Variants in FBXL20 observed in about 807,000 individuals in gnomAD.
The protein encoded by FBXL20 is F-box and leucine rich repeat protein 20, also known as F-box/LRR-repeat protein 20.
Under a neutral mutation model 64.0 loss-of-function variants are expected in FBXL20, and 11 were observed. The ratio of observed to expected loss-of-function variants is 0.17; its 90% CI spans 0.11 to 0.28. The LOEUF (loss-of-function observed/expected upper bound fraction) is 0.28, where lower values mean the gene tolerates loss of function less well. Among genes scored for constraint, FBXL20 ranks in the 10% least tolerant of loss-of-function variants. The pLI is 1.00. For synonymous variants in FBXL20, 184 were observed against 189.0 expected, an observed-to-expected ratio of 0.97 and a Z score of 0.22; for missense variants, 303 against 526.2, an observed-to-expected ratio of 0.58 and a Z score of 4.15.
In FBXL20 at chr17:39,363,821, A is replaced by C. The variant is rs796930169; in HGVS notation, c.43-20580T>G. ...GCAAGACTTTATCTCAAAAAAAAAA[A>C]AAAAACAAAAAACAAAAAAAAAAAC... On this transcript the variant is annotated intron_variant, in intron 1 of 14. Coordinates refer to ENST00000264658, the MANE Select transcript of FBXL20 (RefSeq NM_032875.3). Among the ~76,000 whole-genome samples the C allele has an allele frequency of 1.0e-3, 74 of 71,658 alleles. 3 individuals carry two copies. Among genetic ancestry groups the C allele is most frequent in the African/African-American group, 6.5e-3 (62 of 9,568 alleles). 47.0% of individuals were successfully genotyped at this position (71,658 alleles called of 152,430 possible).
At chr17:39,279,832 A>G (rs529151665) in intron 9 of FBXL20, among the ~76,000 whole-genome samples, 1 of 152,216 alleles carries the variant, frequency 6.6e-6, no homozygotes, top group African/African-American at 2.4e-5. Context: ...CGGGAGGTGA[A>G]GGTGAGCAAA....
At chr17:39,383,861 A>G (rs916463834) in intron 1 of FBXL20, among the ~76,000 whole-genome samples, 2 of 151,752 alleles carry the variant, frequency 1.3e-5, no homozygotes, top group Non-Finnish European at 2.9e-5. Context: ...AAGTGCTGGG[A>G]TTACAGGCGT....
At chr17:39,309,699 G>A (rs1772032427) in intron 2 of FBXL20, among the ~76,000 whole-genome samples, 1 of 151,458 alleles carries the variant, frequency 6.6e-6, no homozygotes, top group African/African-American at 2.4e-5. Context: ...TACTTGCACA[G>A]GAGATTTGTT....
chr17:39,375,226 T>C (rs1010594545), intron 1 of FBXL20, among the ~76,000 whole-genome samples: 3 of 151,426 alleles, frequency 2.0e-5, no homozygotes, highest in African/African-American at 7.4e-5. Context: ...TGCGGCCATC[T>C]TCTGCAAAAC....
Position 39,322,971 on chromosome 17 carries a change from ATT to A in FBXL20, c.105-19334_105-19333del, listed in dbSNP as rs773294739. ...AGGCACCAGCCACCACGCCCAGCTA[ATT>A]TTTTTTTTTTTTTTTGAGACAGAGT... On this transcript the variant is annotated intron_variant, in intron 2 of 14. Transcript: ENST00000264658. Among the ~76,000 whole-genome samples, 64 of 87,590 alleles carry A rather than the reference ATT, an allele frequency of 7.3e-4. 1 individual carries two copies. The highest frequency in any genetic ancestry group is 8.8e-3 in the Middle Eastern group (1 of 114). The allele number at this position is 87,590 out of a possible 152,430, so 57.5% of individuals were successfully genotyped here. A position where few individuals can be genotyped will look rare whatever the true frequency, so the allele number is the denominator to read the frequency against.
At chr17:39,381,345 T>C (rs1439633521) in intron 1 of FBXL20, among the ~76,000 whole-genome samples, 3 of 151,014 alleles carry the variant, frequency 2.0e-5, no homozygotes, top group Non-Finnish European at 4.4e-5. Flanking sequence ...CCGGGTGTGG[T>C]GGCATACACC....
intron 8 of FBXL20, among the ~76,000 whole-genome samples, chr17:39,281,918 TGAG>T (rs1327746400): frequency 6.6e-6 from 1 of 152,226 alleles, no homozygotes; most frequent in Non-Finnish European, 1.5e-5. Context: ...CTTACAGTGC[TGAG>T]AACAGATGGT....
At chr17:39,343,146 TA>T (rs763334737) in intron 2 of FBXL20, 33 bp downstream of exon 2, 14 of 1,529,154 alleles carry the variant, frequency 9.2e-6, no homozygotes, top group South Asian at 2.5e-5. Flanking sequence ...GACATACACA[TA>T]AAAAAACCCA....
chr17:39,350,741 C>T (rs1438315361), intron 1 of FBXL20, among the ~76,000 whole-genome samples: 1 of 152,102 alleles, frequency 6.6e-6, no homozygotes, highest in Non-Finnish European at 1.5e-5. Context: ...TAAGAAAGAA[C>T]CAGATTAGTG....
intron 9 of FBXL20, among the ~76,000 whole-genome samples, chr17:39,277,131 A>G (rs1166724685): frequency 6.6e-6 from 1 of 152,248 alleles, no homozygotes; most frequent in Non-Finnish European, 1.5e-5. Context: ...CACTGCTTAA[A>G]TCATGCTTTC....
intron 2 of FBXL20, among the ~76,000 whole-genome samples, chr17:39,340,232 G>T (rs1433222767): frequency 6.6e-6 from 1 of 152,172 alleles, no homozygotes; most frequent in Non-Finnish European, 1.5e-5. Flanking sequence ...GAGTGGCTGG[G>T]ATTACAGGCA....
intron 6 of FBXL20, among the ~76,000 whole-genome samples, chr17:39,289,517 C>T (rs1285586924): frequency 6.6e-6 from 1 of 151,968 alleles, no homozygotes; most frequent in Admixed American, 6.6e-5. Context: ...ATTAGCCAGG[C>T]ATGGTGACAC....
At chr17:39,349,684 C>G (rs943736326) in intron 1 of FBXL20, among the ~76,000 whole-genome samples, 1 of 152,128 alleles carries the variant, frequency 6.6e-6, no homozygotes, top group Non-Finnish European at 1.5e-5. Flanking sequence ...CGCCTGTAAT[C>G]CCAGCACTTT....
intron 1 of FBXL20, among the ~76,000 whole-genome samples, chr17:39,361,983 TAA>T (rs35807323): frequency 4.8e-4 from 63 of 130,658 alleles, no homozygotes; most frequent in African/African-American, 5.8e-4. Flanking sequence ...TTTGGAGCAC[TAA>T]AAAAAAAAAA....
chr17:39,402,280 G>C, upstream of FBXL20: 2 of 1,163,994 alleles, frequency 1.7e-6, no homozygotes, highest in Non-Finnish European at 2.1e-6. Context: ...GCGCCTCCGC[G>C]GTTGCCGCCG....
At chr17:39,279,739 A>C (rs1567861601) in intron 9 of FBXL20, among the ~76,000 whole-genome samples, 1 of 151,588 alleles carries the variant, frequency 6.6e-6, no homozygotes, top group Non-Finnish European at 1.5e-5. Flanking sequence ...CTACAAAAAA[A>C]ATACAAAAAT....
chr17:39,324,924 C>A (rs1324278278), intron 2 of FBXL20, among the ~76,000 whole-genome samples: 1 of 152,174 alleles, frequency 6.6e-6, no homozygotes, highest in Non-Finnish European at 1.5e-5. Context: ...ATTCTTTAGG[C>A]CAAGTGCAGT....
intron 12 of FBXL20, among the ~76,000 whole-genome samples, chr17:39,268,266 T>C (rs752147729): frequency 6.6e-6 from 1 of 152,106 alleles, no homozygotes; most frequent in Non-Finnish European, 1.5e-5. Flanking sequence ...GGCAGGAGAA[T>C]TGCTTGAATC....
rs186397505 is a variant in FBXL20 at position 39,372,034 on chromosome 17, C to T, written c.43-28793G>A. On this transcript the variant is annotated intron_variant, in intron 1 of 14. Coordinates refer to ENST00000264658, the MANE Select transcript of FBXL20 (RefSeq NM_032875.3). ...GCTTCACAGACAAATCATGACCTGC[C>T]TCTTGCCAGTAGTCTCCTGAAGCAC... Among the ~76,000 whole-genome samples, 30 of 152,330 alleles carry T rather than the reference C, an allele frequency of 2.0e-4. No homozygotes were observed. The Middle Eastern group carries it at 0.01, about 52-fold the overall frequency.
Sources: allele counts gnomAD v4.1 joint callset (sites outside exome capture counted in the v4.1 genomes callset), GRCh38; gene constraint gnomAD v4.1.1; transcripts MANE v1.5; gene names NCBI Gene and HGNC (gene_info 2026-07-23, HGNC 2026-07-21).